CCSER2: variants seen among roughly 807,000 people sequenced by gnomAD.
The protein encoded by CCSER2 is coiled-coil serine rich protein 2.
A neutral mutation model predicts 92.3 loss-of-function variants in CCSER2; 46 were observed. The ratio of observed to expected loss-of-function variants is 0.50; its 90% CI spans 0.39 to 0.64. The LOEUF (loss-of-function observed/expected upper bound fraction) is 0.64. Among genes scored for constraint, CCSER2 ranks in the 30% least tolerant of loss-of-function variants. CCSER2 has a pLI of 0.00. For missense variants in CCSER2, 1,244 were observed against 1,238.9 expected (o/e 1.00, Z -0.06); for synonymous variants, 433 against 431.4 (o/e 1.00, Z -0.04).
rs1458605886 is a variant in CCSER2, at chr10:84,457,259, A to AATATATTATATATTATATATT, written c.2065-6661_2065-6660insTATATATTATATATTATATAT. Among the ~76,000 whole-genome samples, 54 of 55,096 alleles carry AATATATTATATATTATATATT rather than the reference A, an allele frequency of 9.8e-4. No individual in the cohort carries two copies. The East Asian group carries it at 0.032, about 33-fold the overall frequency. The allele number at this position is 55,096 out of a possible 152,430, so 36.1% of individuals were successfully genotyped here. Reference sequence around the variant, plus strand: ...ATATTATATATTATATATTATATAAAATATATTATATATAATATATTATAT... The same window carrying AATATATTATATATTATATATT: ...ATATTATATATTATATATTATATAAAATATATTATATATTATATATTATATATTATATATAATATATTATAT... On this transcript the variant is annotated intron_variant, in intron 6 of 9. Transcript: ENST00000372088.
At chr10:84,381,444 G>A (rs528291309) in intron 3 of CCSER2, among the ~76,000 whole-genome samples, 3 of 152,278 alleles carry the variant, frequency 2.0e-5, no homozygotes, top group East Asian at 3.9e-4. Context: ...GTTCCTTAGA[G>A]TGCTATAAAA....
At chr10:84,425,113 A>G (rs935476120) in intron 4 of CCSER2, 2 of 981,386 alleles carry the variant, frequency 2.0e-6, no homozygotes, top group Non-Finnish European at 2.4e-6. Context: ...ATTTGGGTTT[A>G]AGGGAGTGTA....
chr10:84,468,610 A>C (rs533684514), intron 7 of CCSER2, among the ~76,000 whole-genome samples: 211 of 152,310 alleles, frequency 1.4e-3, no homozygotes, highest in African/African-American at 4.8e-3. Flanking sequence ...TTTTGGGTCC[A>C]TTTCCTGTGT....
At chr10:84,450,344 A>G (rs1039103482) in intron 6 of CCSER2, among the ~76,000 whole-genome samples, 3 of 152,242 alleles carry the variant, frequency 2.0e-5, no homozygotes, top group African/African-American at 7.2e-5. Flanking sequence ...ACACGTAATA[A>G]GGACAAATAC....
intron 3 of CCSER2, among the ~76,000 whole-genome samples, chr10:84,398,257 T>G (rs968740105): frequency 6.6e-6 from 1 of 152,224 alleles, no homozygotes; most frequent in Non-Finnish European, 1.5e-5. Flanking sequence ...TCCTTCTGTC[T>G]GTCTTCTGCC....
rs545664671 is a variant in CCSER2 at position 84,403,105 on chromosome 10, T to C, written c.1615-14666T>C. Reference sequence around the variant, plus strand: ...AGAGAGCGTGGTATTGGCAGAAGCATAGACACATAGATCAATGGAACGGAA... The same window carrying C: ...AGAGAGCGTGGTATTGGCAGAAGCACAGACACATAGATCAATGGAACGGAA... On this transcript the variant is annotated intron_variant, in intron 3 of 9. Transcript: ENST00000372088. 5.9e-5 allele frequency among the ~76,000 whole-genome samples: 9 copies of C among 152,286 alleles called. No individual in the cohort carries two copies. In the East Asian group the frequency reaches 1.7e-3, roughly 29 times the overall value.
In CCSER2 at chr10:84,438,724, C is replaced by T; in HGVS notation, c.2064+17C>T. 6.7e-7 allele frequency: 1 copy of T among 1,481,552 alleles called. No homozygotes were observed. The highest frequency in any genetic ancestry group is 9.1e-7 in the Non-Finnish European group (1 of 1,095,984). The allele number at this position is 1,481,552 out of a possible 1,614,324, so 91.8% of individuals were successfully genotyped here. ...CTGCATCAGGTGAGTACATAATGAACATTTCCAGCTCTGATATTTTGAATT... is the reference window on the plus strand; with the variant it reads ...CTGCATCAGGTGAGTACATAATGAATATTTCCAGCTCTGATATTTTGAATT... On this transcript the variant is annotated intron_variant, in intron 6 of 9. Transcript: ENST00000372088.
Position 84,516,672 on chromosome 10 carries a change from C to T in CCSER2, c.*2405C>T, listed in dbSNP as rs1849607358. The T allele has an allele frequency of 6.6e-6, 1 of 152,068 alleles. No individual in the cohort carries two copies. Among genetic ancestry groups the T allele is most frequent in the Admixed American group, 6.6e-5 (1 of 15,260 alleles). 9.4% of individuals were successfully genotyped at this position (152,068 alleles called of 1,614,324 possible). A position where few individuals can be genotyped will look rare whatever the true frequency, so the allele number is the denominator to read the frequency against. ...AGGGAAATGTCTTTATTGTCCATTA[C>T]ATAAAAATGTTGACTCCAGTAATTT... On this transcript the variant is annotated 3_prime_UTR_variant, in exon 10 of 10. Coordinates refer to ENST00000372088, the MANE Select transcript of CCSER2 (RefSeq NM_001284240.2).
At chr10:84,387,772 C>T (rs187039325) in intron 3 of CCSER2, among the ~76,000 whole-genome samples, 120 of 152,306 alleles carry the variant, frequency 7.9e-4, no homozygotes, top group African/African-American at 2.8e-3. Context: ...TCGTGATCCG[C>T]CCACCTCGGC....
At chr10:84,353,767 C>T (rs1323490608) in intron 1 of CCSER2, among the ~76,000 whole-genome samples, 1 of 152,192 alleles carries the variant, frequency 6.6e-6, no homozygotes, top group East Asian at 1.9e-4. Flanking sequence ...CCTAATGGGA[C>T]TGGAAGCCCA....
chr10:84,365,418 A>G (rs1394507588), intron 1 of CCSER2, among the ~76,000 whole-genome samples: 1 of 152,232 alleles, frequency 6.6e-6, no homozygotes, highest in Non-Finnish European at 1.5e-5. Context: ...TTAAAGACAG[A>G]TGGTAGCTCA....
At chr10:84,476,060 C>A (rs1297448166) in intron 8 of CCSER2, among the ~76,000 whole-genome samples, 3 of 152,006 alleles carry the variant, frequency 2.0e-5, no homozygotes, top group Non-Finnish European at 4.4e-5. Context: ...GGTCTGGAAC[C>A]CCTGGGCCCA....
At chr10:84,471,282 CTG>C (rs1299877632) in intron 8 of CCSER2, among the ~76,000 whole-genome samples, 7 of 151,766 alleles carry the variant, frequency 4.6e-5, no homozygotes, top group Non-Finnish European at 8.8e-5. Context: ...ATTTATGAAA[CTG>C]AATAAAAAGT....
chr10:84,425,668 A>G lies in CCSER2; in HGVS notation c.1706-63A>G, dbSNP rs543100042. On this transcript the variant is annotated intron_variant, in intron 4 of 9. Coordinates refer to ENST00000372088, the MANE Select transcript of CCSER2 (RefSeq NM_001284240.2). ...ATTTACAGCATTTAATTATCAAGCT[A>G]TAAGAGTCAACTTTTATGGAGTATG... The G allele has an allele frequency of 2.1e-4, 239 of 1,141,328 alleles. No homozygotes were observed. In the African/African-American group the frequency reaches 3.1e-3, roughly 15 times the overall value. 70.7% of individuals were successfully genotyped at this position (1,141,328 alleles called of 1,614,324 possible).
At chr10:84,419,092 A>G (rs1843013196) in intron 4 of CCSER2, among the ~76,000 whole-genome samples, 1 of 152,176 alleles carries the variant, frequency 6.6e-6, no homozygotes, top group Non-Finnish European at 1.5e-5. Context: ...GCCATACGAA[A>G]TGGTCACAAG....
chr10:84,332,034 G>A (rs1843585150), intron 1 of CCSER2, among the ~76,000 whole-genome samples: 1 of 152,122 alleles, frequency 6.6e-6, no homozygotes, highest in Admixed American at 6.5e-5. Flanking sequence ...CAAAGTCAGA[G>A]GGTATGAAGG....
In CCSER2 at chr10:84,513,575, G is replaced by A. The variant is rs1380580281; in HGVS notation, c.2452G>A (p.Ala818Thr). ...AATCCAAGACATGCATCAGGGCGGT[G>A]CACATCCGGAAGAAAGCTTTACACA... is the stretch of plus-strand genomic sequence containing the variant. The part of the protein sequence containing the change: ...CSIQDMHQGG[A>T]HPEESFTHVL... Residue 818 changes from alanine (A) to threonine (T), a missense_variant, in exon 10 of 10, where the codon GCA becomes ACA. Ala to Thr is a moderately conservative substitution (Grantham distance 58). Coordinates refer to ENST00000372088, the MANE Select transcript of CCSER2 (RefSeq NM_001284240.2). The A allele has an allele frequency of 6.2e-7, 1 of 1,613,926 alleles. No individual in the cohort carries two copies. Among genetic ancestry groups the A allele is most frequent in the Admixed American group, 1.7e-5 (1 of 59,978 alleles).
intron 9 of CCSER2, among the ~76,000 whole-genome samples, chr10:84,491,924 A>G (rs1848193474): frequency 6.6e-6 from 1 of 152,166 alleles, no homozygotes; most frequent in Admixed American, 6.5e-5. Flanking sequence ...TGGGGTGGTT[A>G]TAAGTGATAC....
intron 5 of CCSER2, among the ~76,000 whole-genome samples, chr10:84,436,079 C>T (rs1844101283): frequency 6.6e-6 from 1 of 152,208 alleles, no homozygotes; most frequent in Admixed American, 6.5e-5. Flanking sequence ...CCTGTAATCC[C>T]ACCACTTTGG....
Sources: gnomAD v4.1 joint callset for allele counts (sites outside exome capture counted in the v4.1 genomes callset) on GRCh38, gnomAD v4.1.1 for gene constraint, MANE v1.5 for transcripts, NCBI Gene and HGNC (gene_info 2026-07-23, HGNC 2026-07-21) for gene names.